The following CRYZL1 variants were observed in gnomAD, a reference collection of about 807,000 sequenced individuals.
CRYZL1 encodes the protein ferry endosomal RAB5 effector complex subunit 4.
A neutral mutation model predicts 50.6 loss-of-function variants in CRYZL1; 34 were observed. The observed-to-expected ratio is 0.67, with a 90% confidence interval of 0.51 to 0.89. The LOEUF (loss-of-function observed/expected upper bound fraction) is 0.89. CRYZL1 is among the 40% of genes least tolerant of loss of function. The probability of loss-of-function intolerance (pLI) is 0.00; values close to 1 mark genes in which losing one functional copy is unlikely to be tolerated. For missense variants in CRYZL1, 354 were observed against 402.3 expected (o/e 0.88, Z 1.03); for synonymous variants, 125 against 134.3 (o/e 0.93, Z 0.48).
chr21:33,629,182 G>A (rs528083921), intron 2 of CRYZL1, among the ~76,000 whole-genome samples: 5 of 152,218 alleles, frequency 3.3e-5, no homozygotes, highest in South Asian at 2.1e-4. Context: ...CCCAGATTGC[G>A]CCACTGTATT....
rs150894312 is a variant in CRYZL1, at chr21:33,609,062, T to G, written c.331+4476A>C. Reference sequence around the variant, plus strand: ...CTATTCTGACAGGTATGAGATGGTATTTCTTTGTGGTTTTAATTTGCATTT... The same window carrying G: ...CTATTCTGACAGGTATGAGATGGTAGTTCTTTGTGGTTTTAATTTGCATTT... On this transcript the variant is annotated intron_variant, in intron 6 of 12. Transcript: ENST00000381554. 6.6e-5 allele frequency among the ~76,000 whole-genome samples: 10 copies of G among 152,326 alleles called. No individual in the cohort carries two copies. The East Asian group carries it at 1.9e-3, about 29-fold the overall frequency.
chr21:33,619,898 TCCAA>T (rs2086974666), intron 4 of CRYZL1, among the ~76,000 whole-genome samples: 1 of 152,220 alleles, frequency 6.6e-6, no homozygotes, highest in East Asian at 1.9e-4. Context: ...GACATCTTAC[TCCAA>T]GACGCCTTTC....
At chr21:33,634,679 G>A (rs138120907) in intron 1 of CRYZL1, among the ~76,000 whole-genome samples, 54 of 151,414 alleles carry the variant, frequency 3.6e-4, no homozygotes, top group African/African-American at 1.2e-3. Flanking sequence ...GAACAATTAC[G>A]TATCAATGCC....
intron 5 of CRYZL1, among the ~76,000 whole-genome samples, chr21:33,615,882 T>C (rs900497282): frequency 2.6e-5 from 4 of 152,298 alleles, no homozygotes; most frequent in East Asian, 1.9e-4. Context: ...CCAAGCACTA[T>C]AGCAACTATG....
intron 11 of CRYZL1, among the ~76,000 whole-genome samples, chr21:33,593,979 T>C (rs2086668131): frequency 1.6e-5 from 1 of 62,074 alleles, no homozygotes; most frequent in South Asian, 7.1e-4. Context: ...TGAGACTCTG[T>C]CTCAAAAAAA....
At chr21:33,594,124 A>C (rs189076937) in intron 11 of CRYZL1, among the ~76,000 whole-genome samples, 231 of 151,650 alleles carry the variant, frequency 1.5e-3, no homozygotes, top group Non-Finnish European at 2.9e-3. Flanking sequence ...TGTTATTCTT[A>C]ATAATTACAA....
chr21:33,610,730 T>G (rs866052892), intron 6 of CRYZL1, among the ~76,000 whole-genome samples: 3 of 139,352 alleles, frequency 2.2e-5, no homozygotes, highest in Non-Finnish European at 4.6e-5. Flanking sequence ...TTTGGTTGTT[T>G]TTTTTTTTTT....
In CRYZL1 at chr21:33,613,604, T is replaced by A. The variant is rs1229088216; in HGVS notation, c.265A>T (p.Ile89Phe). ...FFQPDDEVVG[I>F]LPLDSEDPGL... The stretch of plus-strand genomic sequence containing the variant: ...GGGTCTTCAGAGTCCAGGGGCAAAA[T>A]TCCTAAAAATCAAAACAAGAAATTA... The change falls in exon 6 of 13, where the codon ATT becomes TTT. Residue 89 changes from isoleucine to phenylalanine, a missense_variant and splice_region_variant. By Grantham distance (21) the Ile-to-Phe change is conservative. Transcript: ENST00000381554. 3.7e-6 allele frequency: 6 copies of A among 1,610,320 alleles called. No individual in the cohort carries two copies. The highest frequency in any genetic ancestry group is 1.7e-5 in the Admixed American group (1 of 59,922).
chr21:33,605,118 T>G (rs1451554268), intron 6 of CRYZL1, among the ~76,000 whole-genome samples: 1 of 152,208 alleles, frequency 6.6e-6, no homozygotes, highest in African/African-American at 2.4e-5. Flanking sequence ...CATCTGGAAT[T>G]CCTTTTGTGA....
At chr21:33,599,720 C>T (rs1371006908) in intron 8 of CRYZL1, among the ~76,000 whole-genome samples, 1 of 151,620 alleles carries the variant, frequency 6.6e-6, no homozygotes, top group Non-Finnish European at 1.5e-5. Context: ...CAGCCTTGAA[C>T]TCCTGGGTTC....
At chr21:33,634,246 T>C (rs963049385) in intron 1 of CRYZL1, among the ~76,000 whole-genome samples, 11 of 152,160 alleles carry the variant, frequency 7.2e-5, no homozygotes, top group Non-Finnish European at 1.6e-4. Context: ...GCATTAAATC[T>C]AACCTCCTTT....
At chr21:33,640,930 AAATGAT>A (rs1377576024) in intron 1 of CRYZL1, among the ~76,000 whole-genome samples, 1 of 152,266 alleles carries the variant, frequency 6.6e-6, no homozygotes, top group East Asian at 1.9e-4. Flanking sequence ...TTAAGCGTTG[AAATGAT>A]AATGTCTCAG....
At chr21:33,602,122 G>A (rs1601329845) in intron 8 of CRYZL1, 112 bp downstream of exon 8, 1 of 639,952 alleles carries the variant, frequency 1.6e-6, no homozygotes, top group Non-Finnish European at 2.8e-6. Context: ...TTACAGTTGT[G>A]AGCCACTGCA....
chr21:33,608,192 C>T (rs567240902), intron 6 of CRYZL1, among the ~76,000 whole-genome samples: 10 of 152,268 alleles, frequency 6.6e-5, no homozygotes, highest in South Asian at 2.1e-4. Context: ...CGGTGGCTCA[C>T]GCCTATAATC....
Position 33,589,522 on chromosome 21 carries a change from A to T in CRYZL1, c.*300T>A. ...CAAGAGTAGTGTGACTTTTGCTGAAAGCAGCAGTTTTCTTCATGGAAGGAA... is the reference window on the plus strand; with the variant it reads ...CAAGAGTAGTGTGACTTTTGCTGAATGCAGCAGTTTTCTTCATGGAAGGAA... On this transcript the variant is annotated 3_prime_UTR_variant, in exon 13 of 13. Transcript: ENST00000381554. 1 of 468,584 alleles carries T rather than the reference A, an allele frequency of 2.1e-6. No homozygotes were observed. The highest frequency in any genetic ancestry group is 3.7e-6 in the Non-Finnish European group (1 of 267,110). 29.0% of individuals were successfully genotyped at this position (468,584 alleles called of 1,614,324 possible). A position where few individuals can be genotyped will look rare whatever the true frequency, so the allele number is the denominator to read the frequency against.
intron 6 of CRYZL1, among the ~76,000 whole-genome samples, chr21:33,608,403 C>G (rs914833387): frequency 1.3e-5 from 2 of 152,106 alleles, no homozygotes; most frequent in South Asian, 4.1e-4. Flanking sequence ...TGCAGTGAGC[C>G]GAGATCACGC....
At chr21:33,632,340 TAATAA>T (rs2087149300) in intron 1 of CRYZL1, among the ~76,000 whole-genome samples, 2 of 151,976 alleles carry the variant, frequency 1.3e-5, no homozygotes, top group African/African-American at 2.4e-5. Context: ...CTCAAAAAAA[TAATAA>T]AATAAAATAA....
chr21:33,600,733 C>G (rs1283227418), intron 8 of CRYZL1, among the ~76,000 whole-genome samples: 1 of 150,672 alleles, frequency 6.6e-6, no homozygotes, highest in Non-Finnish European at 1.5e-5. Flanking sequence ...TCACGCCATT[C>G]TCCTGCCTCA....
At chr21:33,616,087 C>T (rs2086928319) in intron 5 of CRYZL1, among the ~76,000 whole-genome samples, 1 of 148,724 alleles carries the variant, frequency 6.7e-6, no homozygotes, top group Non-Finnish European at 1.5e-5. Context: ...CCCCCCCCAA[C>T]CCCACCACAG....
Sources: allele counts gnomAD v4.1 joint callset (sites outside exome capture counted in the v4.1 genomes callset), GRCh38; gene constraint gnomAD v4.1.1; transcripts MANE v1.5; gene names NCBI Gene and HGNC (gene_info 2026-07-23, HGNC 2026-07-21).